Variants in DAGLB observed in about 807,000 individuals in gnomAD.
The protein encoded by DAGLB is diacylglycerol lipase beta, also known as diacylglycerol lipase-beta.
Under a neutral mutation model 72.1 loss-of-function variants are expected in DAGLB, and 66 were observed. That is an observed-to-expected ratio of 0.92 (90% CI 0.75 to 1.12). DAGLB has a LOEUF of 1.12. DAGLB is among the 50% of genes most tolerant of loss of function. The pLI, the probability that DAGLB is intolerant of heterozygous loss-of-function variation, is 0.00. For synonymous variants in DAGLB, 414 were observed against 359.5 expected (o/e 1.15, Z -1.71); for missense variants, 1,065 against 884.9 (o/e 1.20, Z -2.58).
intron 2 of DAGLB, among the ~76,000 whole-genome samples, chr7:6,442,672 T>C (rs1469672890): frequency 1.3e-5 from 2 of 152,198 alleles, no homozygotes; most frequent in African/African-American, 4.8e-5. Context: ...CTGGCACCAA[T>C]GACAGCCTAC....
intron 9 of DAGLB, among the ~76,000 whole-genome samples, chr7:6,421,374 G>GCTCTGTGC (rs1784117526): frequency 7.9e-6 from 1 of 126,866 alleles, no homozygotes; most frequent in Non-Finnish European, 1.7e-5. Flanking sequence ...GGCAGCGCGG[G>GCTCTGTGC]AGGCGCAGGC....
At chr7:6,420,983 T>A (rs1015199735) in intron 9 of DAGLB, among the ~76,000 whole-genome samples, 2 of 152,198 alleles carry the variant, frequency 1.3e-5, no homozygotes, top group African/African-American at 4.8e-5. Flanking sequence ...ATGAAGCTGT[T>A]CTTCACCATG....
At position 6,434,831 on chromosome 7, in the gene DAGLB, G is replaced by C. The variant is rs751354396; in HGVS notation, c.609C>G (p.Cys203Trp). The change falls in exon 4 of 15, where the codon TGC becomes TGG. Residue 203 changes from cysteine (C) to tryptophan (W), a missense_variant. Physicochemically the swap from Cys to Trp is radical, Grantham distance 215 (BLOSUM62 -2). Transcript: ENST00000297056. ...CCCGAGTATGGTCGTCTTTCCCAAT[G>C]CAACAGCACAAGAGCTTGATTCTGG... Reference protein sequence around the residue: ...WETRIKLLCCCIGKDDHTRVA... With the variant: ...WETRIKLLCCWIGKDDHTRVA... The C allele has an allele frequency of 1.9e-6, 3 of 1,614,180 alleles. No individual in the cohort carries two copies. Among genetic ancestry groups the C allele is most frequent in the Non-Finnish European group, 2.5e-6 (3 of 1,180,040 alleles).
rs190869741 is a variant in DAGLB, at chr7:6,418,087, T to C, written c.1219-1166A>G. On this transcript the variant is annotated intron_variant, in intron 9 of 14. Transcript: ENST00000297056. ...GGTTTCACCATGTTGGCCAGGCTAGTCTCGAACTCCTGACCTCGTGATCCA... is the reference window on the plus strand; with the variant it reads ...GGTTTCACCATGTTGGCCAGGCTAGCCTCGAACTCCTGACCTCGTGATCCA... Among the ~76,000 whole-genome samples the C allele has an allele frequency of 9.9e-5, 15 of 152,236 alleles. No individual in the cohort carries two copies. The East Asian group carries it at 2.9e-3, about 30-fold the overall frequency.
Position 6,445,950 on chromosome 7 carries a change from T to TA in DAGLB, c.247+2dup. The TA allele has an allele frequency of 1.3e-6, 2 of 1,582,960 alleles. No individual in the cohort carries two copies. The highest frequency in any genetic ancestry group is 1.7e-6 in the Non-Finnish European group (2 of 1,167,840). On this transcript the variant is annotated splice_region_variant and intron_variant, in intron 2 of 14. Coordinates refer to ENST00000297056, the MANE Select transcript of DAGLB (RefSeq NM_139179.4). ...GTATCAAATAGAAAAGGCTACTTTT[T>TA]ACCTCTCATGCTGACACACATGATG...
chr7:6,424,698 G>GGCTCCC lies in DAGLB; in HGVS notation c.1140+48_1140+53dup, dbSNP rs774995567. The GGCTCCC allele has an allele frequency of 2.4e-4, 382 of 1,566,910 alleles. 1 individual carries two copies. The highest frequency in any genetic ancestry group is 7.2e-4 in the South Asian group (65 of 90,040). On this transcript the variant is annotated intron_variant, in intron 8 of 14. Coordinates refer to ENST00000297056, the MANE Select transcript of DAGLB (RefSeq NM_139179.4). ...GGATTTCCCCAGCCGAGCAGCTGTGGGCTCCCGCTCCCGCACCCACTCCCA... is the reference window on the plus strand; with the variant it reads ...GGATTTCCCCAGCCGAGCAGCTGTGGGCTCCCGCTCCCGCTCCCGCACCCACTCCCA...
At chr7:6,437,191 T>C (rs1784691911) in intron 2 of DAGLB, among the ~76,000 whole-genome samples, 1 of 144,368 alleles carries the variant, frequency 6.9e-6, no homozygotes, top group African/African-American at 2.7e-5. Context: ...ATAATAATAA[T>C]AGTAATAATT....
rs541679203 is a variant in DAGLB at position 6,409,234 on chromosome 7, A to C, written c.*603T>G. On this transcript the variant is annotated 3_prime_UTR_variant, in exon 15 of 15. Transcript: ENST00000297056. The stretch of plus-strand genomic sequence containing the variant: ...CAGCAACTCCTGATGTGGACAAACA[A>C]CTGGGCAGTGGGAATAGGCAGTTGG... 1.3e-5 allele frequency: 2 copies of C among 155,190 alleles called. No individual in the cohort carries two copies. Among genetic ancestry groups the C allele is most frequent in the African/African-American group, 4.8e-5 (2 of 41,458 alleles). The allele number at this position is 155,190 out of a possible 1,614,324, so 9.6% of individuals were successfully genotyped here.
intron 13 of DAGLB, 77 bp from the exon 14 acceptor site, chr7:6,410,457 A>C: frequency 6.6e-7 from 1 of 1,523,248 alleles, no homozygotes; most frequent in Non-Finnish European, 8.8e-7. Context: ...ACCAAGGCGG[A>C]CCAGGCACAG....
Position 6,447,747 on chromosome 7 carries a change from C to A in DAGLB, c.95+1G>T. 2 of 1,612,964 alleles carry A rather than the reference C, an allele frequency of 1.2e-6. No homozygotes were observed. Among genetic ancestry groups the A allele is most frequent in the Non-Finnish European group, 1.7e-6 (2 of 1,179,546 alleles). ...ACCGCCCCCGTAGCCGCCGTCCTTA[C>A]CACAGCACTCGCACGACCAGCTCGA... On this transcript the variant is annotated splice_donor_variant, in intron 1 of 14. Coordinates refer to ENST00000297056, the MANE Select transcript of DAGLB (RefSeq NM_139179.4). LOFTEE classifies it high-confidence loss of function.
Position 6,410,398 on chromosome 7 carries a change from T to C in DAGLB, c.1570-18A>G. 6.3e-7 allele frequency: 1 copy of C among 1,591,774 alleles called. No individual in the cohort carries two copies. Among genetic ancestry groups the C allele is most frequent in the South Asian group, 1.1e-5 (1 of 88,454 alleles). On this transcript the variant is annotated intron_variant, in intron 13 of 14. Transcript: ENST00000297056. ...ATCTTGTACTGAGGGCGAGACCCAA[T>C]CAGTAGAATGCTGTCACTCACCCTC...
intron 11 of DAGLB, among the ~76,000 whole-genome samples, chr7:6,413,690 A>T (rs1203704479): frequency 6.6e-6 from 1 of 151,750 alleles, no homozygotes. Context: ...GCAACAGGCG[A>T]TTCACTGCGG....
chr7:6,438,361 A>T (rs575447569), intron 2 of DAGLB, among the ~76,000 whole-genome samples: 3 of 152,314 alleles, frequency 2.0e-5, no homozygotes, highest in Admixed American at 2.0e-4. Context: ...AATAATTTTT[A>T]AAATGCAAAA....
In DAGLB at chr7:6,410,121, C is replaced by G. The variant is rs767303133; in HGVS notation, c.1820+9G>C. On this transcript the variant is annotated intron_variant, in intron 14 of 14. Transcript: ENST00000297056. ...TGCCTGCCCACCACACCCACCACGC[C>G]GCACTCACCGCCCCGAGGCGCCCTC... 17 of 1,574,568 alleles carry G rather than the reference C, an allele frequency of 1.1e-5. No homozygotes were observed. The Admixed American group carries it at 2.8e-4, about 26-fold the overall frequency.
chr7:6,432,030 C>A (rs995978699), intron 5 of DAGLB, among the ~76,000 whole-genome samples: 1 of 152,018 alleles, frequency 6.6e-6, no homozygotes, highest in African/African-American at 2.4e-5. Flanking sequence ...TGCTCATGTA[C>A]CCCTGAACCT....
chr7:6,419,073 G>T (rs532962769), intron 9 of DAGLB, among the ~76,000 whole-genome samples: 2 of 149,442 alleles, frequency 1.3e-5, no homozygotes, highest in Non-Finnish European at 3.0e-5. Context: ...GCATTCAGAT[G>T]GCACTTCCTT....
intron 6 of DAGLB, among the ~76,000 whole-genome samples, 200 bp downstream of exon 6, chr7:6,430,280 T>TATATATATATATATATATATGC: frequency 8.4e-6 from 1 of 118,828 alleles, no homozygotes; most frequent in Non-Finnish European, 1.7e-5. Flanking sequence ...TATATATATA[T>TATATATATATATATATATATGC]ATGCAGGGGG....
chr7:6,446,045 C>A lies in DAGLB; in HGVS notation c.155G>T (p.Gly52Val), dbSNP rs1188267001. The A allele has an allele frequency of 1.2e-6, 2 of 1,613,620 alleles. No homozygotes were observed. The highest frequency in any genetic ancestry group is 1.7e-6 in the Non-Finnish European group (2 of 1,179,854). Residue 52 changes from glycine to valine, a missense_variant, in exon 2 of 15, where the codon GGA (glycine) becomes GTA (valine). Transcript: ENST00000297056. ...GATCAAGTAACTGCTGAGCAAGGCT[C>A]CACCAGCACAGTCCAGCTTTCCTCT... ...MHRGKLDCAG[G>V]ALLSSYLIVL...
rs186364433 is a variant in DAGLB, at chr7:6,434,516, C to T, written c.678+246G>A. Reference sequence around the variant, plus strand: ...CTTACAGGCTAATCCAGCATTTTGACAGGGTAGTGAGTGGGTGTCAATACG... The same window carrying T: ...CTTACAGGCTAATCCAGCATTTTGATAGGGTAGTGAGTGGGTGTCAATACG... On this transcript the variant is annotated intron_variant, in intron 4 of 14. Transcript: ENST00000297056. 5.3e-4 allele frequency among the ~76,000 whole-genome samples: 81 copies of T among 152,220 alleles called. 1 individual carries two copies. Among genetic ancestry groups the T allele is most frequent in the Non-Finnish European group, 9.4e-4 (64 of 68,012 alleles).
Sources: allele counts gnomAD v4.1 joint callset (sites outside exome capture counted in the v4.1 genomes callset), GRCh38; gene constraint gnomAD v4.1.1; transcripts MANE v1.5; gene names NCBI Gene and HGNC (gene_info 2026-07-23, HGNC 2026-07-21).